The following RIT2 variants were observed in gnomAD, a reference collection of about 807,000 sequenced individuals.
The protein encoded by RIT2 is GTP-binding protein Rit2.
A neutral mutation model predicts 23.7 loss-of-function variants in RIT2; 24 were observed. The ratio of observed to expected loss-of-function variants is 1.01; its 90% CI spans 0.73 to 1.43. The LOEUF (loss-of-function observed/expected upper bound fraction) is 1.43. Ranked by LOEUF, RIT2 falls within the 40% of genes most tolerant of loss-of-function variation. The pLI is 0.00. For missense variants in RIT2, 236 were observed against 266.9 expected, an observed-to-expected ratio of 0.88 and a Z score of 0.81; for synonymous variants, 107 against 91.1, an observed-to-expected ratio of 1.17 and a Z score of -0.99.
At chr18:42,913,382 A>G (rs958168230) in intron 4 of RIT2, among the ~76,000 whole-genome samples, 4 of 151,924 alleles carry the variant, frequency 2.6e-5, no homozygotes, top group Admixed American at 6.6e-5. Context: ...AAAAATCAAT[A>G]CATCGAGTTC....
chr18:43,029,419 A>T (rs1239326837), intron 2 of RIT2, among the ~76,000 whole-genome samples: 1 of 152,076 alleles, frequency 6.6e-6, no homozygotes, highest in Non-Finnish European at 1.5e-5. Context: ...ATAAAATAAT[A>T]ACTGATTGCT....
At chr18:42,903,078 C>T (rs1468915598) in intron 4 of RIT2, among the ~76,000 whole-genome samples, 3 of 151,844 alleles carry the variant, frequency 2.0e-5, no homozygotes, top group South Asian at 4.2e-4. Context: ...GATATTCAAA[C>T]GTAATATACT....
chr18:43,088,284 A>G (rs1001454884), intron 1 of RIT2, among the ~76,000 whole-genome samples: 1 of 152,316 alleles, frequency 6.6e-6, no homozygotes, highest in African/African-American at 2.4e-5. Context: ...CATTTACAAA[A>G]AGAGAATGTA....
chr18:42,912,806 A>G (rs1336210954), intron 4 of RIT2, among the ~76,000 whole-genome samples: 1 of 152,128 alleles, frequency 6.6e-6, no homozygotes, highest in East Asian at 1.9e-4. Flanking sequence ...ATATTCATGG[A>G]TTGGAAAACT....
At chr18:43,108,294 A>G (rs957164237) in intron 1 of RIT2, among the ~76,000 whole-genome samples, 1 of 152,126 alleles carries the variant, frequency 6.6e-6, no homozygotes, top group African/African-American at 2.4e-5. Flanking sequence ...AGACATCCAT[A>G]TGTAGGCACA....
At chr18:43,079,579 G>C (rs1024781036) in intron 1 of RIT2, among the ~76,000 whole-genome samples, 1 of 152,130 alleles carries the variant, frequency 6.6e-6, no homozygotes, top group Non-Finnish European at 1.5e-5. Context: ...CTGTCAAGAG[G>C]GTTCCTTGGA....
chr18:42,904,455 G>A (rs986451280), intron 4 of RIT2, among the ~76,000 whole-genome samples: 10 of 152,270 alleles, frequency 6.6e-5, no homozygotes, highest in Non-Finnish European at 1.0e-4. Context: ...AGAGGGGCAT[G>A]AGAGACTAAA....
intron 4 of RIT2, among the ~76,000 whole-genome samples, chr18:42,796,051 G>T (rs1248593353): frequency 6.6e-6 from 1 of 152,138 alleles, no homozygotes; most frequent in African/African-American, 2.4e-5. Flanking sequence ...GGCTGCCCTA[G>T]CCAGCAGTGG....
chr18:43,027,980 T>A (rs944965784), intron 2 of RIT2, among the ~76,000 whole-genome samples: 1 of 152,134 alleles, frequency 6.6e-6, no homozygotes, highest in African/African-American at 2.4e-5. Flanking sequence ...TCATTCCTAA[T>A]AAACATGCAC....
chr18:42,864,662 T>C (rs189920821), intron 4 of RIT2, among the ~76,000 whole-genome samples: 2 of 152,346 alleles, frequency 1.3e-5, no homozygotes, highest in Non-Finnish European at 2.9e-5. Context: ...CAATCTGTTC[T>C]TCCATTTATC....
intron 4 of RIT2, among the ~76,000 whole-genome samples, chr18:42,804,308 C>T (rs1256933934): frequency 1.3e-5 from 2 of 152,062 alleles, no homozygotes; most frequent in African/African-American, 2.4e-5. Flanking sequence ...AATCTCAGCA[C>T]TTTGGGAGGC....
chr18:42,946,908 A>G (rs541925828), intron 3 of RIT2, among the ~76,000 whole-genome samples: 2 of 152,204 alleles, frequency 1.3e-5, no homozygotes, highest in South Asian at 4.1e-4. Context: ...TTAGAAGTGC[A>G]AAAGAAGATA....
chr18:42,756,568 ATT>A (rs1457815669), intron 4 of RIT2, among the ~76,000 whole-genome samples: 2 of 152,174 alleles, frequency 1.3e-5, no homozygotes, highest in Non-Finnish European at 2.9e-5. Context: ...TCTCCTAAAG[ATT>A]TTGCTTTTTA....
At chr18:42,762,903 T>C (rs896687153) in intron 4 of RIT2, among the ~76,000 whole-genome samples, 1 of 152,222 alleles carries the variant, frequency 6.6e-6, no homozygotes, top group African/African-American at 2.4e-5. Flanking sequence ...AGTTTCATAA[T>C]ACAGCAATGT....
At chr18:42,792,536 A>G (rs902649699) in intron 4 of RIT2, among the ~76,000 whole-genome samples, 1 of 152,102 alleles carries the variant, frequency 6.6e-6, no homozygotes, top group Non-Finnish European at 1.5e-5. Context: ...TTTGCCTTGT[A>G]TTTTATATAT....
intron 4 of RIT2, among the ~76,000 whole-genome samples, chr18:42,885,454 C>T (rs184185511): frequency 7.9e-5 from 12 of 152,118 alleles, no homozygotes; most frequent in South Asian, 2.1e-4. Context: ...GGCGTGGTGG[C>T]GGGCGCCTGT....
intron 3 of RIT2, among the ~76,000 whole-genome samples, chr18:42,965,711 CTT>C (rs58344278): frequency 2.1e-3 from 78 of 37,666 alleles, no homozygotes; most frequent in East Asian, 4.7e-3. Flanking sequence ...GTACTGATGG[CTT>C]TTTTTTTTTT....
chr18:43,061,111 A>C (rs2144322595), intron 1 of RIT2, among the ~76,000 whole-genome samples: 1 of 152,238 alleles, frequency 6.6e-6, no homozygotes, highest in African/African-American at 2.4e-5. Context: ...GTGTAATATA[A>C]CTGATAAATG....
intron 4 of RIT2, among the ~76,000 whole-genome samples, chr18:42,790,620 G>T (rs962547501): frequency 3.9e-5 from 6 of 152,028 alleles, no homozygotes; most frequent in Admixed American, 2.0e-4. Flanking sequence ...GTAGAGATGG[G>T]GTTTCACCAT....
Sources: allele counts gnomAD v4.1 joint callset (sites outside exome capture counted in the v4.1 genomes callset), GRCh38; gene constraint gnomAD v4.1.1; transcripts MANE v1.5; gene names NCBI Gene and HGNC (gene_info 2026-07-23, HGNC 2026-07-21).